Variants in FAM193A observed in about 807,000 individuals in gnomAD.
FAM193A encodes protein FAM193A.
Under a neutral mutation model 126.5 loss-of-function variants are expected in FAM193A, and 22 were observed. The observed-to-expected ratio is 0.17, with a 90% confidence interval of 0.12 to 0.25. The LOEUF (loss-of-function observed/expected upper bound fraction) is 0.25. Among genes scored for constraint, FAM193A ranks in the 10% least tolerant of loss-of-function variants. The pLI is 1.00. For synonymous variants in FAM193A, 761 were observed against 646.8 expected, an observed-to-expected ratio of 1.18 and a Z score of -2.68; for missense variants, 1,675 against 1,672.8, an observed-to-expected ratio of 1.00 and a Z score of -0.02.
chr4:2,564,556 A>C (rs1205254907), intron 1 of FAM193A, among the ~76,000 whole-genome samples: 9 of 152,184 alleles, frequency 5.9e-5, no homozygotes, highest in African/African-American at 2.2e-4. Context: ...ATTTGGGAAA[A>C]GTATTTTCGA....
At chr4:2,594,199 A>G (rs1022903096) in intron 1 of FAM193A, among the ~76,000 whole-genome samples, 3 of 152,176 alleles carry the variant, frequency 2.0e-5, no homozygotes, top group Admixed American at 2.0e-4. Flanking sequence ...TCATTCATTT[A>G]TACATTCAGC....
intron 5 of FAM193A, among the ~76,000 whole-genome samples, chr4:2,633,462 C>T (rs142225096): frequency 2.8e-3 from 424 of 151,964 alleles, no homozygotes; most frequent in African/African-American, 7.8e-3. Flanking sequence ...AATGCATACA[C>T]CCAGAAGCTG....
At chr4:2,661,220 C>T (rs904071217) in intron 10 of FAM193A, among the ~76,000 whole-genome samples, 1 of 152,202 alleles carries the variant, frequency 6.6e-6, no homozygotes, top group African/African-American at 2.4e-5. Flanking sequence ...GGGCCTTCAG[C>T]AGCTTGTGAT....
chr4:2,708,479 T>C (rs1041389524), intron 19 of FAM193A, among the ~76,000 whole-genome samples: 4 of 151,950 alleles, frequency 2.6e-5, no homozygotes, highest in African/African-American at 7.3e-5. Context: ...ATCTATTTTT[T>C]GAGATGGAGT....
intron 7 of FAM193A, among the ~76,000 whole-genome samples, chr4:2,650,068 T>C (rs1745516055): frequency 6.6e-6 from 1 of 152,232 alleles, no homozygotes; most frequent in South Asian, 2.1e-4. Context: ...TGGGACCATC[T>C]AGTTGAAGGA....
chr4:2,725,475 A>T (rs934839342), intron 20 of FAM193A, among the ~76,000 whole-genome samples: 14 of 149,470 alleles, frequency 9.4e-5, no homozygotes, highest in Non-Finnish European at 7.4e-5. Flanking sequence ...AAAAAAAAAA[A>T]AGTAATCACA....
Position 2,695,027 on chromosome 4 carries a change from G to C in FAM193A, c.3174G>C (p.Glu1058Asp). ...QQDDGDESAD[E>D]DSCSEHSSST... ...ATGATGGGGACGAGAGTGCAGATGA[G>C]GACAGCTGCTCTGAGCACAGCTCCA... The change falls in exon 17 of 21, where the codon GAG becomes GAC. Residue 1058 changes from glutamate (E) to aspartate (D), a missense_variant. By Grantham distance (45) the Glu-to-Asp change is conservative. This residue lies in a region of FAM193A where 1,186 missense variants were observed against 1,109.2 expected (regional missense o/e 1.07). Transcript: ENST00000637812. 1 of 1,610,574 alleles carries C rather than the reference G, an allele frequency of 6.2e-7. No individual in the cohort carries two copies. Among genetic ancestry groups the C allele is most frequent in the Non-Finnish European group, 8.5e-7 (1 of 1,178,542 alleles).
intron 12 of FAM193A, among the ~76,000 whole-genome samples, chr4:2,669,588 G>A (rs748791881): frequency 2.3e-4 from 35 of 152,186 alleles, no homozygotes; most frequent in Non-Finnish European, 3.5e-4. Context: ...CAGCCTAGGC[G>A]AGAAGTGAGA....
intron 1 of FAM193A, among the ~76,000 whole-genome samples, chr4:2,589,921 G>A (rs1577045776): frequency 6.6e-6 from 1 of 151,932 alleles, no homozygotes; most frequent in Admixed American, 6.6e-5. Context: ...CAGATCACGA[G>A]GTCAGGAATT....
chr4:2,724,062 A>T (rs894363217), intron 20 of FAM193A, among the ~76,000 whole-genome samples: 1 of 151,670 alleles, frequency 6.6e-6, no homozygotes, highest in Non-Finnish European at 1.5e-5. Context: ...TCAAAAGATA[A>T]TTGACAAAGT....
In FAM193A at chr4:2,693,575, T is replaced by C. The variant is rs755200568; in HGVS notation, c.2804-11T>C. 8 of 1,604,696 alleles carry C rather than the reference T, an allele frequency of 5.0e-6. No individual in the cohort carries two copies. In the South Asian group the frequency reaches 6.6e-5, roughly 13 times the overall value. ...CAAACTTGGCAGTGACTCTCGCCTC[T>C]CTAAATGCAGGTGACGTGTTTCATG... On this transcript the variant is annotated splice_polypyrimidine_tract_variant and intron_variant, in intron 15 of 20. Transcript: ENST00000637812.
chr4:2,724,630 C>A (rs1720522805), intron 20 of FAM193A, among the ~76,000 whole-genome samples: 1 of 152,266 alleles, frequency 6.6e-6, no homozygotes, highest in South Asian at 2.1e-4. Flanking sequence ...TGGAGGATCA[C>A]TTGAGCCCAG....
chr4:2,619,971 G>C (rs919816557), intron 2 of FAM193A, among the ~76,000 whole-genome samples: 1 of 152,168 alleles, frequency 6.6e-6, no homozygotes, highest in Admixed American at 6.5e-5. Flanking sequence ...GATTACAAGC[G>C]TGAGCCACTG....
At chr4:2,718,033 G>A (rs1051687679) in intron 20 of FAM193A, among the ~76,000 whole-genome samples, 4 of 152,112 alleles carry the variant, frequency 2.6e-5, no homozygotes, top group East Asian at 3.8e-4. Flanking sequence ...ATCGAAAAAC[G>A]TTAACTTTTT....
chr4:2,672,285 A>G lies in FAM193A; in HGVS notation c.2244A>G (p.Gly748=), dbSNP rs776357650. 6.2e-7 allele frequency: 1 copy of G among 1,614,030 alleles called. No individual in the cohort carries two copies. Among genetic ancestry groups the G allele is most frequent in the Non-Finnish European group, 8.5e-7 (1 of 1,180,020 alleles). The change falls in exon 13 of 21, where the codon GGA becomes GGG. Residue 748 remains glycine (G), a synonymous_variant. Transcript: ENST00000637812. ...PALHLYPHIH[G]HVPLHTVPHL... ...TGCACCTTTACCCTCACATCCATGG[A>G]CATGTGCCTTTGCACACTGTTCCAC...
intron 1 of FAM193A, among the ~76,000 whole-genome samples, chr4:2,590,925 G>A (rs759263735): frequency 2.0e-5 from 3 of 151,896 alleles, no homozygotes; most frequent in Admixed American, 6.6e-5. Flanking sequence ...TACTTGGTAG[G>A]CTGAGGCAGG....
At chr4:2,571,646 TTCTC>T (rs1739298262) in intron 1 of FAM193A, among the ~76,000 whole-genome samples, 1 of 151,812 alleles carries the variant, frequency 6.6e-6, no homozygotes, top group African/African-American at 2.4e-5. Context: ...GTTCAAGCGA[TTCTC>T]TCACCTCAGC....
chr4:2,641,894 A>G (rs937252071), intron 6 of FAM193A, among the ~76,000 whole-genome samples: 5 of 149,798 alleles, frequency 3.3e-5, no homozygotes, highest in African/African-American at 1.2e-4. Context: ...GCTTAAGCCT[A>G]GGAGCTGGAG....
intron 7 of FAM193A, among the ~76,000 whole-genome samples, chr4:2,655,527 G>T (rs1711570954): frequency 6.6e-6 from 1 of 152,062 alleles, no homozygotes; most frequent in East Asian, 1.9e-4. Context: ...GGCCAGGCTG[G>T]AGTGCAATGA....
Sources: gnomAD v4.1 joint callset for allele counts (sites outside exome capture counted in the v4.1 genomes callset) on GRCh38, gnomAD v4.1.1 for gene constraint, gnomAD v4.1.1 regional missense constraint, MANE v1.5 for transcripts, NCBI Gene and HGNC (gene_info 2026-07-23, HGNC 2026-07-21) for gene names.